MAD2L1: variants seen among roughly 807,000 people sequenced by gnomAD.
The protein encoded by MAD2L1 is mitotic spindle assembly checkpoint protein MAD2A.
MAD2L1 carries 10 observed loss-of-function variants against 25.9 expected under a neutral mutation model. The observed-to-expected ratio is 0.39, with a 90% confidence interval of 0.24 to 0.66. The LOEUF is 0.66. MAD2L1 is among the 30% of genes least tolerant of loss of function. The probability of loss-of-function intolerance (pLI) is 0.49; values close to 1 mark genes in which losing one functional copy is unlikely to be tolerated. For synonymous variants in MAD2L1, 81 were observed against 91.8 expected, an observed-to-expected ratio of 0.88 and a Z score of 0.67; for missense variants, 180 against 246.4, an observed-to-expected ratio of 0.73 and a Z score of 1.80.
In MAD2L1 at chr4:120,059,029, G is replaced by A. The variant is rs1726160248; in HGVS notation, c.*1089C>T. 1 of 152,104 alleles carries A rather than the reference G, an allele frequency of 6.6e-6. No homozygotes were observed. The highest frequency in any genetic ancestry group is 2.4e-5 in the African/African-American group (1 of 41,418). 9.4% of individuals were successfully genotyped at this position (152,104 alleles called of 1,614,324 possible). A position where few individuals can be genotyped will look rare whatever the true frequency, so the allele number is the denominator to read the frequency against. ...GCCTTAAACTGACCTTGGAAAAACAGGTGAGAACTGGATAGAAAGCATGTA... is the reference window on the plus strand; with the variant it reads ...GCCTTAAACTGACCTTGGAAAAACAAGTGAGAACTGGATAGAAAGCATGTA... On this transcript the variant is annotated 3_prime_UTR_variant, in exon 5 of 5. Coordinates refer to ENST00000296509, the MANE Select transcript of MAD2L1 (RefSeq NM_002358.4).
rs1300920061 is a variant in MAD2L1, at chr4:120,057,257, G to A, written c.*2861C>T. 6.6e-6 allele frequency: 1 copy of A among 152,122 alleles called. No individual in the cohort carries two copies. The highest frequency in any genetic ancestry group is 1.5e-5 in the Non-Finnish European group (1 of 68,042). The allele number at this position is 152,122 out of a possible 1,614,324, so 9.4% of individuals were successfully genotyped here. ...CCAACCTCTAGTCCATTAGATAACT[G>A]TCATCAAACTTCTCGGTGCCATTCC... On this transcript the variant is annotated 3_prime_UTR_variant, in exon 5 of 5. Transcript: ENST00000296509.
rs1257775194 is a variant in MAD2L1 at position 120,060,200 on chromosome 4, T to C, written c.536A>G (p.Glu179Gly). The C allele has an allele frequency of 1.6e-5, 26 of 1,612,744 alleles. No homozygotes were observed. The highest frequency in any genetic ancestry group is 2.1e-5 in the Non-Finnish European group (25 of 1,179,484). Reference sequence around the variant, plus strand: ...AGTAAATGAACGAAGGCGGACTTCCTCAGAATTGGTAATAAACTGTGGTCC... The same window carrying C: ...AGTAAATGAACGAAGGCGGACTTCCCCAGAATTGGTAATAAACTGTGGTCC... ...ESGPQFITNSEEVRLRSFTTT... is the reference protein window; with the variant it reads ...ESGPQFITNSGEVRLRSFTTT... The change falls in exon 5 of 5, where the codon GAG becomes GGG. Residue 179 changes from glutamate (E) to glycine (G), a missense_variant. Transcript: ENST00000296509.
chr4:120,062,730 G>C (rs891354902), intron 2 of MAD2L1, among the ~76,000 whole-genome samples: 4 of 152,182 alleles, frequency 2.6e-5, no homozygotes, highest in African/African-American at 9.7e-5. Flanking sequence ...TCAAGACCAG[G>C]GAAGTCATTA....
Position 120,061,043 on chromosome 4 carries a change from G to A in MAD2L1, c.342-66C>T. 4.4e-6 allele frequency: 4 copies of A among 910,264 alleles called. No individual in the cohort carries two copies. In the South Asian group the frequency reaches 5.7e-5, roughly 13 times the overall value. The allele number at this position is 910,264 out of a possible 1,614,324, so 56.4% of individuals were successfully genotyped here. A position where few individuals can be genotyped will look rare whatever the true frequency, so the allele number is the denominator to read the frequency against. ...TTAACAAATTATTTCAAACATAGTGGTTAGATTATTTATCTGATTAAATGC... is the reference window on the plus strand; with the variant it reads ...TTAACAAATTATTTCAAACATAGTGATTAGATTATTTATCTGATTAAATGC... On this transcript the variant is annotated intron_variant, in intron 3 of 4. Coordinates refer to ENST00000296509, the MANE Select transcript of MAD2L1 (RefSeq NM_002358.4).
chr4:120,066,564 C>G, intron 1 of MAD2L1, 98 bp downstream of exon 1: 1 of 1,121,462 alleles, frequency 8.9e-7, no homozygotes, highest in Non-Finnish European at 1.3e-6. Flanking sequence ...AGCCGCCTCT[C>G]CCCAGATTAC....
chr4:120,063,402 C>T (rs1050871815), intron 2 of MAD2L1, among the ~76,000 whole-genome samples: 1 of 152,158 alleles, frequency 6.6e-6, no homozygotes, highest in African/African-American at 2.4e-5. Flanking sequence ...GGCTTATTGG[C>T]CACCAAGATC....
Position 120,056,208 on chromosome 4 carries a change from C to G in MAD2L1, c.*3910G>C, listed in dbSNP as rs914487038. 2.0e-5 allele frequency: 3 copies of G among 152,162 alleles called. No homozygotes were observed. Among genetic ancestry groups the G allele is most frequent in the African/African-American group, 4.8e-5 (2 of 41,432 alleles). 9.4% of individuals were successfully genotyped at this position (152,162 alleles called of 1,614,324 possible). On this transcript the variant is annotated 3_prime_UTR_variant, in exon 5 of 5. Coordinates refer to ENST00000296509, the MANE Select transcript of MAD2L1 (RefSeq NM_002358.4). ...CCACTAAACTTCAAAAACCACGACA[C>G]AATTTGCATGCCCATTGACCCCCAG... is the stretch of plus-strand genomic sequence containing the variant.
Position 120,060,968 on chromosome 4 carries a change from T to A in MAD2L1, c.351A>T (p.Arg117Ser). 6.2e-7 allele frequency: 1 copy of A among 1,604,528 alleles called. No homozygotes were observed. The highest frequency in any genetic ancestry group is 8.5e-7 in the Non-Finnish European group (1 of 1,171,966). ...DKTAKDDSAP[R>S]EKSQKAIQDE... is the part of the protein sequence containing the mutation. ...CCTGGATAGCTTTCTGAGACTTTTC[T>A]CTGGGTGCACTGTCAAAAAAAAATC... The change falls in exon 4 of 5, where the codon AGA (arginine) becomes AGT (serine). Residue 117 changes from arginine to serine, a missense_variant. By Grantham distance (110) the Arg-to-Ser change is moderately radical. Coordinates refer to ENST00000296509, the MANE Select transcript of MAD2L1 (RefSeq NM_002358.4).
chr4:120,065,674 T>C lies in MAD2L1; in HGVS notation c.218A>G (p.Lys73Arg). Residue 73 changes from lysine to arginine, a missense_variant and splice_region_variant, in exon 2 of 5, where the codon AAA becomes AGA. Coordinates refer to ENST00000296509, the MANE Select transcript of MAD2L1 (RefSeq NM_002358.4). ...ATTGTTTCCAATGATTAAAATACCT[T>C]TCAGTTGTTCCACCACATTATTTAG... is the stretch of plus-strand genomic sequence containing the variant. ...KYLNNVVEQL[K>R]DWLYKCSVQK... 6.2e-7 allele frequency: 1 copy of C among 1,613,244 alleles called. No homozygotes were observed. The highest frequency in any genetic ancestry group is 1.1e-5 in the South Asian group (1 of 90,944).
chr4:120,056,224 T>A lies in MAD2L1; in HGVS notation c.*3894A>T, dbSNP rs547358227. ...ACCACGACACAATTTGCATGCCCAT[T>A]GACCCCCAGTTTTACTTGTGCACAA... is the stretch of plus-strand genomic sequence containing the variant. On this transcript the variant is annotated 3_prime_UTR_variant, in exon 5 of 5. Coordinates refer to ENST00000296509, the MANE Select transcript of MAD2L1 (RefSeq NM_002358.4). 29 of 152,322 alleles carry A rather than the reference T, an allele frequency of 1.9e-4. No homozygotes were observed. The East Asian group carries it at 5.6e-3, about 29-fold the overall frequency. The allele number at this position is 152,322 out of a possible 1,614,324, so 9.4% of individuals were successfully genotyped here.
chr4:120,063,736 G>A (rs956431209), intron 2 of MAD2L1, among the ~76,000 whole-genome samples: 1 of 152,196 alleles, frequency 6.6e-6, no homozygotes, highest in African/African-American at 2.4e-5. Context: ...AACAAAACAT[G>A]AGCAGCCACT....
intron 2 of MAD2L1, 93 bp from the exon 3 acceptor site, chr4:120,062,188 C>T: frequency 8.8e-7 from 1 of 1,136,988 alleles, no homozygotes; most frequent in South Asian, 1.7e-5. Context: ...TCAGCAAATT[C>T]CTACCACTGC....
Position 120,066,644 on chromosome 4 carries a change from G to C in MAD2L1, c.73+18C>G, listed in dbSNP as rs759174677. ...CGACTCCGTTCCCCCCGATATATTG[G>C]CCTGCGCGAGAACTTACAGAAGAAC... On this transcript the variant is annotated intron_variant, in intron 1 of 4. Coordinates refer to ENST00000296509, the MANE Select transcript of MAD2L1 (RefSeq NM_002358.4). The C allele has an allele frequency of 6.3e-7, 1 of 1,596,544 alleles. No individual in the cohort carries two copies. The highest frequency in any genetic ancestry group is 1.1e-5 in the South Asian group (1 of 89,118).
rs1726184296 is a variant in MAD2L1, at chr4:120,060,054, A to G, written c.*64T>C. 1 of 1,387,992 alleles carries G rather than the reference A, an allele frequency of 7.2e-7. No individual in the cohort carries two copies. The highest frequency in any genetic ancestry group is 1.0e-6 in the Non-Finnish European group (1 of 1,001,592). 86.0% of individuals were successfully genotyped at this position (1,387,992 alleles called of 1,614,324 possible). A position where few individuals can be genotyped will look rare whatever the true frequency, so the allele number is the denominator to read the frequency against. Reference sequence around the variant, plus strand: ...ATGAAATAAAACATATCAACTATAGATGACTTGATTTCAGGAAAACCACAT... The same window carrying G: ...ATGAAATAAAACATATCAACTATAGGTGACTTGATTTCAGGAAAACCACAT... On this transcript the variant is annotated 3_prime_UTR_variant, in exon 5 of 5. Coordinates refer to ENST00000296509, the MANE Select transcript of MAD2L1 (RefSeq NM_002358.4).
chr4:120,055,654 GAAC>G lies in MAD2L1; in HGVS notation c.*4461_*4463del, dbSNP rs1726096150. ...AATATAAACTTTTATCAGTCACATT[GAAC>G]AAAATAACTAGAAATATTTCATACA... On this transcript the variant is annotated 3_prime_UTR_variant, in exon 5 of 5. Transcript: ENST00000296509. 6.6e-6 allele frequency: 1 copy of G among 151,640 alleles called. No individual in the cohort carries two copies. The highest frequency in any genetic ancestry group is 2.1e-4 in the South Asian group (1 of 4,804). The allele number at this position is 151,640 out of a possible 1,614,324, so 9.4% of individuals were successfully genotyped here. A position where few individuals can be genotyped will look rare whatever the true frequency, so the allele number is the denominator to read the frequency against.
chr4:120,062,081 A>T lies in MAD2L1; in HGVS notation c.235T>A (p.Cys79Ser), dbSNP rs368386354. Residue 79 changes from cysteine (C) to serine (S), a missense_variant, in exon 3 of 5, where the codon TGT becomes AGT. Cys to Ser is a moderately radical substitution (Grantham distance 112, BLOSUM62 -1). Coordinates refer to ENST00000296509, the MANE Select transcript of MAD2L1 (RefSeq NM_002358.4). ...VEQLKDWLYK[C>S]SVQKLVVVIS... ...ACTACAACCAGTTTCTGAACTGAAC[A>T]CTTGTATAACCAATCTGCAACATAT... The T allele has an allele frequency of 1.9e-6, 3 of 1,610,590 alleles. No homozygotes were observed. Among genetic ancestry groups the T allele is most frequent in the Non-Finnish European group, 2.5e-6 (3 of 1,178,618 alleles).
intron 2 of MAD2L1, chr4:120,065,377 G>A (rs1330617304): frequency 7.9e-6 from 2 of 252,456 alleles, no homozygotes; most frequent in East Asian, 1.6e-4. Context: ...TTATAATTAT[G>A]TAAAATTCCA....
intron 4 of MAD2L1, among the ~76,000 whole-genome samples, chr4:120,060,547 G>A (rs949611741): frequency 2.6e-5 from 4 of 152,112 alleles, no homozygotes; most frequent in African/African-American, 9.7e-5. Context: ...CAAGAATAGT[G>A]ATGCCAGCAT....
chr4:120,066,768 C>T lies in MAD2L1; in HGVS notation c.-34G>A. ...ACACAAACAAAAGCACGCGCTTCCA[C>T]TCCGCGGACAGCAACCACAGCGGCT... On this transcript the variant is annotated 5_prime_UTR_variant, in exon 1 of 5. The change creates a new upstream start codon in the 5' untranslated region. Transcript: ENST00000296509. The T allele has an allele frequency of 6.5e-7, 1 of 1,534,476 alleles. No homozygotes were observed. Among genetic ancestry groups the T allele is most frequent in the Non-Finnish European group, 9.0e-7 (1 of 1,113,826 alleles).
Sources: gnomAD v4.1 joint callset for allele counts (sites outside exome capture counted in the v4.1 genomes callset) on GRCh38, gnomAD v4.1.1 for gene constraint, MANE v1.5 for transcripts, NCBI Gene and HGNC (gene_info 2026-07-23, HGNC 2026-07-21) for gene names.